NRXN3: variants seen among roughly 807,000 people sequenced by gnomAD.
The protein encoded by NRXN3 is neurexin 3, also known as neurexin III.
NRXN3 carries 32 observed loss-of-function variants against 137.6 expected under a neutral mutation model. The ratio of observed to expected loss-of-function variants is 0.23; its 90% CI spans 0.18 to 0.31. NRXN3 has a LOEUF of 0.31. Among genes scored for constraint, NRXN3 ranks in the 10% least tolerant of loss-of-function variants. The pLI, the probability that NRXN3 is intolerant of heterozygous loss-of-function variation, is 1.00. For synonymous variants in NRXN3, 798 were observed against 784.5 expected (o/e 1.02, Z -0.29); for missense variants, 1,574 against 2,062.5 (o/e 0.76, Z 4.59).
chr14:78,547,284 C>G (rs1205440483), intron 4 of NRXN3, among the ~76,000 whole-genome samples: 2 of 151,698 alleles, frequency 1.3e-5, no homozygotes, highest in East Asian at 3.9e-4. Flanking sequence ...CAGCTCACTG[C>G]AAGCTCCCCG....
intron 15 of NRXN3, among the ~76,000 whole-genome samples, chr14:79,110,293 C>T (rs2053238507): frequency 6.6e-6 from 1 of 152,232 alleles, no homozygotes; most frequent in Non-Finnish European, 1.5e-5. Flanking sequence ...CAAAGAGCAT[C>T]TGCGAGACGG....
At chr14:78,549,429 G>A (rs918423222) in intron 4 of NRXN3, among the ~76,000 whole-genome samples, 5 of 151,966 alleles carry the variant, frequency 3.3e-5, no homozygotes, top group Admixed American at 6.6e-5. Context: ...AGCCTTTCTC[G>A]AGCTCATGCT....
At chr14:79,532,750 C>T (rs976908613) in intron 16 of NRXN3, among the ~76,000 whole-genome samples, 1 of 152,162 alleles carries the variant, frequency 6.6e-6, no homozygotes, top group Non-Finnish European at 1.5e-5. Context: ...CTGCCTCAAA[C>T]GAGTTATTAT....
At chr14:79,853,872 GTTT>G (rs912630645) in intron 20 of NRXN3, 1 of 986,556 alleles carries the variant, frequency 1.0e-6, no homozygotes, top group Non-Finnish European at 1.2e-6. Flanking sequence ...AAGTAAACAG[GTTT>G]TTTTGTTTGG....
chr14:78,545,517 A>T (rs987462506), intron 4 of NRXN3, among the ~76,000 whole-genome samples: 1 of 152,192 alleles, frequency 6.6e-6, no homozygotes, highest in African/African-American at 2.4e-5. Flanking sequence ...CTATACACAT[A>T]TAATTTATAC....
At position 79,834,484 on chromosome 14, in the gene NRXN3, G is replaced by A. The variant is rs1169122733; in HGVS notation, c.4094-26858G>A. On this transcript the variant is annotated intron_variant, in intron 20 of 20. Coordinates refer to ENST00000335750, the MANE Select transcript of NRXN3 (RefSeq NM_001330195.2). ...AACTAGGTATTATTTGTTTCTGGAC[G>A]TCACAGCTAAAGACACAACATTTTA... Among the ~76,000 whole-genome samples, 5 of 152,140 alleles carry A rather than the reference G, an allele frequency of 3.3e-5. No homozygotes were observed. In the East Asian group the frequency reaches 7.7e-4, roughly 24 times the overall value.
intron 15 of NRXN3, among the ~76,000 whole-genome samples, chr14:79,051,101 A>G (rs2099641236): frequency 6.6e-6 from 1 of 152,132 alleles, no homozygotes; most frequent in Non-Finnish European, 1.5e-5. Flanking sequence ...CACATAATGC[A>G]GTTTGCTAGT....
intron 15 of NRXN3, among the ~76,000 whole-genome samples, chr14:79,356,786 GAT>G: frequency 6.6e-6 from 1 of 152,140 alleles, no homozygotes; most frequent in South Asian, 2.1e-4. Context: ...GAAGTGCAGT[GAT>G]GCGATCTTGG....
At chr14:79,383,955 A>G (rs1599504438) in intron 15 of NRXN3, among the ~76,000 whole-genome samples, 1 of 152,094 alleles carries the variant, frequency 6.6e-6, no homozygotes, top group East Asian at 1.9e-4. Context: ...CATCATTGCT[A>G]TTCAAATTAG....
intron 8 of NRXN3, among the ~76,000 whole-genome samples, chr14:78,728,066 C>T (rs547764365): frequency 6.6e-6 from 1 of 152,316 alleles, no homozygotes; most frequent in Non-Finnish European, 1.5e-5. Context: ...AGTAGCCACG[C>T]TGGGACTTAT....
At chr14:79,152,755 A>G (rs1407713494) in intron 15 of NRXN3, among the ~76,000 whole-genome samples, 1 of 152,036 alleles carries the variant, frequency 6.6e-6, no homozygotes, top group Non-Finnish European at 1.5e-5. Flanking sequence ...CACCCTTGAC[A>G]TGTAAGGATT....
chr14:78,749,714 A>G (rs1248984793), intron 8 of NRXN3, among the ~76,000 whole-genome samples: 2 of 152,218 alleles, frequency 1.3e-5, no homozygotes, highest in Non-Finnish European at 2.9e-5. Flanking sequence ...AGGCAGAAAC[A>G]TCCAACTCTG....
chr14:79,826,141 A>T (rs2099299344), intron 20 of NRXN3, among the ~76,000 whole-genome samples: 1 of 151,992 alleles, frequency 6.6e-6, no homozygotes, highest in African/African-American at 2.4e-5. Context: ...GATTACAGGC[A>T]CCTGCTACCA....
At chr14:78,480,167 A>G (rs1482201019) in intron 4 of NRXN3, among the ~76,000 whole-genome samples, 5 of 152,150 alleles carry the variant, frequency 3.3e-5, no homozygotes, top group Non-Finnish European at 7.3e-5. Flanking sequence ...AACCCAAAAA[A>G]GAAATTTGGA....
intron 15 of NRXN3, among the ~76,000 whole-genome samples, chr14:79,057,727 G>T (rs2099667618): frequency 6.6e-6 from 1 of 152,200 alleles, no homozygotes; most frequent in African/African-American, 2.4e-5. Context: ...ACTCTAAGGG[G>T]AGAGTTGGCA....
At chr14:79,297,463 C>T (rs1262135914) in intron 15 of NRXN3, among the ~76,000 whole-genome samples, 1 of 152,076 alleles carries the variant, frequency 6.6e-6, no homozygotes, top group Non-Finnish European at 1.5e-5. Context: ...TTTTATCTGG[C>T]AACCTATATT....
chr14:79,230,186 C>T (rs1373503526), intron 15 of NRXN3, among the ~76,000 whole-genome samples: 1 of 151,644 alleles, frequency 6.6e-6, no homozygotes, highest in Non-Finnish European at 1.5e-5. Context: ...ATTTTTTTTT[C>T]TCCAAAGGGA....
chr14:79,654,609 T>A (rs950928638), intron 16 of NRXN3, among the ~76,000 whole-genome samples: 6 of 152,158 alleles, frequency 3.9e-5, no homozygotes, highest in Non-Finnish European at 8.8e-5. Context: ...TCTAGGCCAA[T>A]CTATCTCCTC....
At chr14:79,170,354 G>T (rs1333791441) in intron 15 of NRXN3, among the ~76,000 whole-genome samples, 1 of 152,062 alleles carries the variant, frequency 6.6e-6, no homozygotes, top group Non-Finnish European at 1.5e-5. Flanking sequence ...ATTAAAGTTG[G>T]TCTTCTAGGT....
Sources: allele counts gnomAD v4.1 joint callset (sites outside exome capture counted in the v4.1 genomes callset), GRCh38; gene constraint gnomAD v4.1.1; transcripts MANE v1.5; gene names NCBI Gene and HGNC (gene_info 2026-07-23, HGNC 2026-07-21).